OR11A1: variants seen among roughly 807,000 people sequenced by gnomAD.
OR11A1 encodes the protein olfactory receptor 11A1.
For missense variants in OR11A1, 380 were observed against 378.2 expected (o/e 1.00, Z -0.04); for synonymous variants, 158 against 152.2 (o/e 1.04, Z -0.28).
chr6:29,443,901 T>C (rs60676897), intron 1 of OR11A1, among the ~76,000 whole-genome samples: 6,261 of 152,048 alleles, frequency 0.041, 233 homozygotes, highest in African/African-American at 0.095. Flanking sequence ...CTCATCCTTA[T>C]TTTCTGTACA....
chr6:29,438,088 G>A (rs954549570), intron 1 of OR11A1, among the ~76,000 whole-genome samples: 3 of 152,174 alleles, frequency 2.0e-5, no homozygotes, highest in African/African-American at 7.2e-5. Flanking sequence ...TGAACTTCTA[G>A]TTATATAAAT....
chr6:29,437,783 T>G (rs917262177), intron 1 of OR11A1, among the ~76,000 whole-genome samples: 3 of 152,212 alleles, frequency 2.0e-5, no homozygotes, highest in Admixed American at 6.5e-5. Flanking sequence ...ATTATTCTAC[T>G]CCATTCTGTT....
At chr6:29,440,032 C>T (rs1783975666) in intron 1 of OR11A1, 2 of 1,612,850 alleles carry the variant, frequency 1.2e-6, no homozygotes, top group South Asian at 2.2e-5. Context: ...GCAAACACCT[C>T]CATGGTGACT....
At chr6:29,441,673 T>A (rs1038611818) in intron 1 of OR11A1, among the ~76,000 whole-genome samples, 9 of 152,304 alleles carry the variant, frequency 5.9e-5, no homozygotes, top group Non-Finnish European at 8.8e-5. Flanking sequence ...ACAGTGATTA[T>A]TTAGTCACCC....
Position 29,425,689 on chromosome 6 carries a change from T to C in OR11A1, c.*1005A>G, listed in dbSNP as rs972083242. The C allele has an allele frequency of 2.6e-5, 4 of 152,166 alleles. No homozygotes were observed. The highest frequency in any genetic ancestry group is 4.4e-5 in the Non-Finnish European group (3 of 68,008). 9.4% of individuals were successfully genotyped at this position (152,166 alleles called of 1,614,324 possible). A position where few individuals can be genotyped will look rare whatever the true frequency, so the allele number is the denominator to read the frequency against. On this transcript the variant is annotated 3_prime_UTR_variant, in exon 5 of 5. Transcript: ENST00000377149. ...AATTAAAATAAGATTAGCAAAATGTTGATGTTGAAGCTGGATGGTGGCTAC... is the reference window on the plus strand; with the variant it reads ...AATTAAAATAAGATTAGCAAAATGTCGATGTTGAAGCTGGATGGTGGCTAC...
chr6:29,442,996 A>T (rs1784356562), intron 1 of OR11A1, among the ~76,000 whole-genome samples: 1 of 152,236 alleles, frequency 6.6e-6, no homozygotes, highest in Non-Finnish European at 1.5e-5. Context: ...ATTGGTTTAC[A>T]TTGAGAAAGA....
chr6:29,450,019 T>G (rs1038067368), intron 1 of OR11A1, among the ~76,000 whole-genome samples: 4 of 152,234 alleles, frequency 2.6e-5, no homozygotes, highest in African/African-American at 9.6e-5. Flanking sequence ...CCCTCTAGGC[T>G]GGTAACAGCG....
In OR11A1 at chr6:29,431,960, TTCAGC is replaced by T; in HGVS notation, c.-366_-362del. The T allele has an allele frequency of 1.0e-6, 1 of 985,438 alleles. No homozygotes were observed. Among genetic ancestry groups the T allele is most frequent in the Non-Finnish European group, 1.2e-6 (1 of 829,932 alleles). The allele number at this position is 985,438 out of a possible 1,614,324, so 61.0% of individuals were successfully genotyped here. On this transcript the variant is annotated 5_prime_UTR_variant, in exon 2 of 5. Coordinates refer to ENST00000377149, the MANE Select transcript of OR11A1 (RefSeq NM_001394828.1). ...CTTCAGAATGTTGGAATTTCCTACC[TTCAGC>T]TCCCTCCCTGCTTGAGCTCAACCTG...
At chr6:29,444,410 G>A (rs184049235) in intron 1 of OR11A1, among the ~76,000 whole-genome samples, 1 of 152,282 alleles carries the variant, frequency 6.6e-6, no homozygotes, top group East Asian at 1.9e-4. Context: ...TGAAGACATG[G>A]GTTGTGATCT....
At chr6:29,441,017 A>G (rs1784145877) in intron 1 of OR11A1, 1 of 1,072,334 alleles carries the variant, frequency 9.3e-7, no homozygotes, top group African/African-American at 1.6e-5. Flanking sequence ...TAAGGATCAA[A>G]GAGTCTCCCT....
chr6:29,442,520 G>A (rs951131541), intron 1 of OR11A1, among the ~76,000 whole-genome samples: 2 of 152,210 alleles, frequency 1.3e-5, no homozygotes, highest in Middle Eastern at 3.2e-3. Context: ...GCACTGTGGA[G>A]AATATCAAGT....
intron 3 of OR11A1, 119 bp downstream of exon 3, chr6:29,430,182 C>T: frequency 1.6e-6 from 1 of 615,908 alleles, no homozygotes; most frequent in Non-Finnish European, 2.0e-6. Context: ...AACACCATGT[C>T]TTCCTTAACC....
chr6:29,441,889 T>C lies in OR11A1; in HGVS notation c.-388-9902A>G, dbSNP rs115014580. Among the ~76,000 whole-genome samples the C allele has an allele frequency of 8.0e-3, 1,219 of 152,360 alleles. 14 individuals carry two copies. Among genetic ancestry groups the C allele is most frequent in the East Asian group, 0.025 (131 of 5,192 alleles). On this transcript the variant is annotated intron_variant, in intron 1 of 4. Transcript: ENST00000377149. ...CTTAGAATAATGACCTCCAGTTCCA[T>C]CCATGTTGCTGCAAAGGACATAATC...
intron 2 of OR11A1, among the ~76,000 whole-genome samples, chr6:29,431,595 G>A (rs1783233868): frequency 6.6e-6 from 1 of 152,074 alleles, no homozygotes; most frequent in Non-Finnish European, 1.5e-5. Flanking sequence ...CAAAAGAGAA[G>A]AGAGAATTAA....
intron 1 of OR11A1, chr6:29,440,940 C>T: frequency 1.2e-6 from 2 of 1,607,730 alleles, no homozygotes; most frequent in East Asian, 2.2e-5. Flanking sequence ...GAAAACGGTG[C>T]CTATGGAGAT....
At position 29,427,121 on chromosome 6, in the gene OR11A1, TG is replaced by T; in HGVS notation, c.520del (p.His174ThrfsTer25). On this transcript the variant is annotated frameshift_variant, in exon 5 of 5. Coordinates refer to ENST00000377149, the MANE Select transcript of OR11A1 (RefSeq NM_001394828.1). LOFTEE classifies it low-confidence loss of function (END_TRUNC). ...VAQLRFCGPN[H>X]IDQFYCDFML... ...AAAGTCACAGTAAAACTGGTCAATG[TG>T]GTTGGGGCCACAGAACCTCAGCTGG... 1 of 1,612,962 alleles carries T rather than the reference TG, an allele frequency of 6.2e-7. No individual in the cohort carries two copies. Among genetic ancestry groups the T allele is most frequent in the Non-Finnish European group, 8.5e-7 (1 of 1,180,004 alleles).
intron 1 of OR11A1, among the ~76,000 whole-genome samples, chr6:29,434,764 G>C (rs2151372860): frequency 6.6e-6 from 1 of 152,334 alleles, no homozygotes; most frequent in African/African-American, 2.4e-5. Context: ...TCTGTGGGGA[G>C]TAGATGTTTG....
intron 1 of OR11A1, among the ~76,000 whole-genome samples, chr6:29,439,048 T>C (rs1783876980): frequency 6.6e-6 from 1 of 152,248 alleles, no homozygotes; most frequent in African/African-American, 2.4e-5. Context: ...TTTGTGTATA[T>C]ATTCAAGTGT....
chr6:29,427,391 A>G lies in OR11A1; in HGVS notation c.251T>C (p.Leu84Pro). The part of the protein sequence containing the change: ...LYTSAVMPKM[L>P]EGFLQEATIS... ...AGTTGCTTCTTGCAGGAAGCCCTCC[A>G]GCATTTTTGGCATCACTGCGGAGGT... Residue 84 changes from leucine (L) to proline (P), a missense_variant, in exon 5 of 5, where the codon CTG becomes CCG. Leu to Pro is a moderately conservative substitution (Grantham distance 98). Transcript: ENST00000377149. The G allele has an allele frequency of 6.2e-7, 1 of 1,613,110 alleles. No homozygotes were observed. Among genetic ancestry groups the G allele is most frequent in the Non-Finnish European group, 8.5e-7 (1 of 1,180,016 alleles).
Sources: allele counts gnomAD v4.1 joint callset (sites outside exome capture counted in the v4.1 genomes callset), GRCh38; gene constraint gnomAD v4.1.1; transcripts MANE v1.5; gene names NCBI Gene and HGNC (gene_info 2026-07-23, HGNC 2026-07-21).